Variants in SPECC1L observed in about 807,000 individuals in gnomAD.
SPECC1L encodes sperm antigen with calponin homology and coiled-coil domains 1 like, also known as cytospin-A.
SPECC1L carries 40 observed loss-of-function variants against 116.8 expected under a neutral mutation model. The ratio of observed to expected loss-of-function variants is 0.34; its 90% CI spans 0.27 to 0.45. The LOEUF (loss-of-function observed/expected upper bound fraction) is 0.45, where lower values mean the gene tolerates loss of function less well. Ranked by LOEUF, SPECC1L falls within the 20% of genes least tolerant of loss-of-function variation. The probability of loss-of-function intolerance (pLI) is 1.00; values close to 1 mark genes in which losing one functional copy is unlikely to be tolerated. For missense variants in SPECC1L, 1,110 were observed against 1,373.6 expected, an observed-to-expected ratio of 0.81 and a Z score of 3.03; for synonymous variants, 504 against 500.6, an observed-to-expected ratio of 1.01 and a Z score of -0.09.
intron 10 of SPECC1L, among the ~76,000 whole-genome samples, chr22:24,340,430 A>G (rs2041153388): frequency 6.6e-6 from 1 of 152,172 alleles, no homozygotes; most frequent in East Asian, 1.9e-4. Flanking sequence ...TACAGGCGTG[A>G]GCCACTGTGC....
At chr22:24,288,458 C>T (rs1213716869) in intron 2 of SPECC1L, among the ~76,000 whole-genome samples, 1 of 151,912 alleles carries the variant, frequency 6.6e-6, no homozygotes, top group Non-Finnish European at 1.5e-5. Context: ...TCACTAGACA[C>T]AGGGAAAAAG....
chr22:24,368,360 T>G (rs1345331392), intron 13 of SPECC1L, among the ~76,000 whole-genome samples: 1 of 152,194 alleles, frequency 6.6e-6, no homozygotes, highest in African/African-American at 2.4e-5. Context: ...GTTGAATAAG[T>G]GAGCTTACAG....
At chr22:24,386,130 C>T (rs1017581421) in intron 14 of SPECC1L, among the ~76,000 whole-genome samples, 2 of 148,746 alleles carry the variant, frequency 1.3e-5, no homozygotes, top group African/African-American at 4.9e-5. Context: ...AAAAAAAAAG[C>T]CCCACAGAAC....
chr22:24,279,413 G>A (rs1469452605), intron 2 of SPECC1L, among the ~76,000 whole-genome samples: 2 of 152,150 alleles, frequency 1.3e-5, no homozygotes, highest in Admixed American at 1.3e-4. Context: ...TTTTAATTTA[G>A]AGACAAGGTT....
At chr22:24,373,628 G>C (rs2041913194) in intron 14 of SPECC1L, among the ~76,000 whole-genome samples, 1 of 152,200 alleles carries the variant, frequency 6.6e-6, no homozygotes, top group Non-Finnish European at 1.5e-5. Flanking sequence ...ATTAATTCAA[G>C]ATGGATTAAA....
chr22:24,372,980 A>G (rs2041900756), intron 14 of SPECC1L, among the ~76,000 whole-genome samples: 1 of 152,216 alleles, frequency 6.6e-6, no homozygotes, highest in African/African-American at 2.4e-5. Flanking sequence ...ATACACCAAT[A>G]TCAGACAAAC....
chr22:24,307,630 CGTGTAT>C (rs1419398009), intron 3 of SPECC1L, among the ~76,000 whole-genome samples: 1 of 151,614 alleles, frequency 6.6e-6, no homozygotes, highest in Non-Finnish European at 1.5e-5. Flanking sequence ...TATGTACGTA[CGTGTAT>C]GTGTATGTGT....
intron 14 of SPECC1L, among the ~76,000 whole-genome samples, chr22:24,387,632 C>T (rs2042185816): frequency 6.6e-6 from 1 of 152,150 alleles, no homozygotes; most frequent in Admixed American, 6.5e-5. Context: ...TACACTTCTT[C>T]ATTTATTCCA....
At chr22:24,293,082 G>C (rs2049186887) in intron 2 of SPECC1L, among the ~76,000 whole-genome samples, 1 of 152,134 alleles carries the variant, frequency 6.6e-6, no homozygotes, top group African/African-American at 2.4e-5. Context: ...AAAAAATTAA[G>C]AAGAAAAGGA....
At chr22:24,282,574 T>TA (rs565092055) in intron 2 of SPECC1L, among the ~76,000 whole-genome samples, 23 of 152,322 alleles carry the variant, frequency 1.5e-4, no homozygotes, top group African/African-American at 5.5e-4. Context: ...TATTCAGTCT[T>TA]ACGTCATTCA....
In SPECC1L at chr22:24,416,959, G is replaced by C. The variant is rs2042811739; in HGVS notation, c.*2336G>C. The C allele has an allele frequency of 6.6e-6, 1 of 152,342 alleles. No homozygotes were observed. The highest frequency in any genetic ancestry group is 2.4e-5 in the African/African-American group (1 of 41,458). 9.4% of individuals were successfully genotyped at this position (152,342 alleles called of 1,614,324 possible). On this transcript the variant is annotated 3_prime_UTR_variant, in exon 17 of 17. Transcript: ENST00000314328. ...AGCTGCAAGGGAGAGGGTTCCAGAA[G>C]CATTGCCTTTTGCCTCGTCTAATAG...
At chr22:24,293,141 G>GT (rs2049187820) in intron 2 of SPECC1L, among the ~76,000 whole-genome samples, 1 of 152,156 alleles carries the variant, frequency 6.6e-6, no homozygotes, top group Non-Finnish European at 1.5e-5. Flanking sequence ...ATTTCTGCAT[G>GT]TTTGTAAAAT....
At chr22:24,324,131 C>T (rs2040772834) in intron 5 of SPECC1L, 89 bp from the exon 6 acceptor site, 4 of 1,061,138 alleles carry the variant, frequency 3.8e-6, no homozygotes, top group Non-Finnish European at 5.9e-6. Context: ...ATACTTAGCT[C>T]CCCTTGGAAA....
chr22:24,411,802 G>A lies in SPECC1L; in HGVS notation c.3204+98G>A, dbSNP rs182319515. 3.7e-4 allele frequency: 374 copies of A among 1,011,542 alleles called. 1 individual carries two copies. The African/African-American group carries it at 4.1e-3, about 11-fold the overall frequency. 62.7% of individuals were successfully genotyped at this position (1,011,542 alleles called of 1,614,324 possible). The stretch of plus-strand genomic sequence containing the variant: ...GCCTCAGCAGGTCACATGCCACAGC[G>A]CTGGCTTGCGATTGCCTCGTGCCAT... On this transcript the variant is annotated intron_variant, in intron 15 of 16. Coordinates refer to ENST00000314328, the MANE Select transcript of SPECC1L (RefSeq NM_015330.6).
At chr22:24,309,914 C>T (rs949160501) in intron 3 of SPECC1L, among the ~76,000 whole-genome samples, 4 of 152,136 alleles carry the variant, frequency 2.6e-5, no homozygotes, top group Non-Finnish European at 5.9e-5. Context: ...TAACATGGCT[C>T]CACGAGTCAG....
intron 13 of SPECC1L, among the ~76,000 whole-genome samples, chr22:24,365,837 C>G (rs948798582): frequency 2.7e-5 from 4 of 149,198 alleles, no homozygotes; most frequent in African/African-American, 9.8e-5. Flanking sequence ...TTTCCTCAAG[C>G]AGCTGTATCT....
intron 9 of SPECC1L, among the ~76,000 whole-genome samples, chr22:24,335,427 C>T (rs1359456538): frequency 3.3e-5 from 5 of 152,212 alleles, no homozygotes; most frequent in Admixed American, 2.0e-4. Context: ...ACTTCAGGTT[C>T]TGAATCAAGC....
At chr22:24,371,740 GAGAC>G (rs1313514510) in intron 14 of SPECC1L, among the ~76,000 whole-genome samples, 2 of 152,188 alleles carry the variant, frequency 1.3e-5, no homozygotes, top group Non-Finnish European at 2.9e-5. Flanking sequence ...GATCGATTGA[GAGAC>G]AGAGTCTCAT....
intron 8 of SPECC1L, 56 bp from the exon 9 acceptor site, chr22:24,334,354 A>G (rs1556249695): frequency 1.3e-6 from 2 of 1,584,052 alleles, no homozygotes; most frequent in South Asian, 1.1e-5. Flanking sequence ...GGGAGGGGAA[A>G]ATGTGTATGT....
Sources: allele counts gnomAD v4.1 joint callset (sites outside exome capture counted in the v4.1 genomes callset), GRCh38; gene constraint gnomAD v4.1.1; transcripts MANE v1.5; gene names NCBI Gene and HGNC (gene_info 2026-07-23, HGNC 2026-07-21).